SPTB: variants seen among roughly 807,000 people sequenced by gnomAD.
SPTB encodes spectrin beta chain, erythrocytic.
In SPTB, 45 loss-of-function variants were observed where a neutral mutation model predicts 256.2. The observed-to-expected ratio is 0.18, with a 90% CI of 0.14 to 0.23. SPTB has a LOEUF of 0.23. Ranked by LOEUF, SPTB falls within the 10% of genes least tolerant of loss-of-function variation. The pLI is 1.00. For missense variants in SPTB, 2,715 were observed against 3,040.4 expected (o/e 0.89, Z 2.52); for synonymous variants, 1,231 against 1,243.1 (o/e 0.99, Z 0.21).
At chr14:64,859,519 C>A (rs1245327889) in intron 1 of SPTB, among the ~76,000 whole-genome samples, 2 of 152,126 alleles carry the variant, frequency 1.3e-5, no homozygotes, top group Non-Finnish European at 2.9e-5. Flanking sequence ...CTGAGGCAGG[C>A]AGATTGCTTG....
chr14:64,809,840 C>T (rs2083054418), intron 2 of SPTB, among the ~76,000 whole-genome samples: 1 of 152,126 alleles, frequency 6.6e-6, no homozygotes, highest in Non-Finnish European at 1.5e-5. Context: ...CCTTAAAAGG[C>T]TCCTGAGGCA....
In SPTB at chr14:64,807,300, AC is replaced by A. The variant is rs2083003291; in HGVS notation, c.149-2211del. Among the ~76,000 whole-genome samples the A allele has an allele frequency of 6.6e-6, 1 of 152,202 alleles. No homozygotes were observed. The highest frequency in any genetic ancestry group is 6.5e-5 in the Admixed American group (1 of 15,270). On this transcript the variant is annotated intron_variant, in intron 2 of 35. Transcript: ENST00000644917. The surrounding 1 kb of genome is among the most constrained non-coding windows in gnomAD (Gnocchi z 4.7). ...ACATTTCATTACGTGGGTGCTGAGA[AC>A]TATTTATCTGTGCTTGGCAAAGGGT...
chr14:64,781,056 CAT>C (rs2082460783), intron 20 of SPTB, among the ~76,000 whole-genome samples: 2 of 151,188 alleles, frequency 1.3e-5, no homozygotes, highest in African/African-American at 4.8e-5. Context: ...TTTCATTAGA[CAT>C]ATAAAAAAAT....
At chr14:64,838,699 C>T (rs2083561370) in intron 1 of SPTB, among the ~76,000 whole-genome samples, 1 of 152,024 alleles carries the variant, frequency 6.6e-6, no homozygotes, top group East Asian at 1.9e-4. Flanking sequence ...CACTCTATAC[C>T]TATCAGAACG....
intron 9 of SPTB, among the ~76,000 whole-genome samples, chr14:64,798,836 T>A (rs148035412): frequency 6.6e-6 from 1 of 152,234 alleles, no homozygotes; most frequent in East Asian, 1.9e-4. Flanking sequence ...GTGTGGGAGA[T>A]GGGGGGAAGA....
chr14:64,773,076 C>T (rs952139598), intron 25 of SPTB, 122 bp from the exon 26 acceptor site: 4 of 1,555,246 alleles, frequency 2.6e-6, no homozygotes, highest in East Asian at 2.3e-5. Flanking sequence ...GTCACACCTT[C>T]CCCAGGGCAG....
Position 64,749,143 on chromosome 14 carries a change from C to G in SPTB, c.*163G>C, listed in dbSNP as rs773243167. The G allele has an allele frequency of 6.5e-6, 5 of 769,448 alleles. No individual in the cohort carries two copies. Among genetic ancestry groups the G allele is most frequent in the Non-Finnish European group, 1.0e-5 (5 of 501,600 alleles). The allele number at this position is 769,448 out of a possible 1,614,324, so 47.7% of individuals were successfully genotyped here. Reference sequence around the variant, plus strand: ...ATGGAGGGGGCGTCGGCCCAGGACACGCGGGCGAAGGCAGCTTTTGCAGTG... The same window carrying G: ...ATGGAGGGGGCGTCGGCCCAGGACAGGCGGGCGAAGGCAGCTTTTGCAGTG... On this transcript the variant is annotated 3_prime_UTR_variant, in exon 36 of 36. Coordinates refer to ENST00000644917, the MANE Select transcript of SPTB (RefSeq NM_001355436.2). This position sits in a 1 kb window ranked among gnomAD's most constrained non-coding sequence, Gnocchi z 4.7.
In SPTB at chr14:64,805,132, C is replaced by A. The variant is rs1457409613; in HGVS notation, c.149-42G>T. 3.1e-6 allele frequency: 5 copies of A among 1,613,488 alleles called. No individual in the cohort carries two copies. The African/African-American group carries it at 6.7e-5, about 22-fold the overall frequency. On this transcript the variant is annotated intron_variant, in intron 2 of 35. Transcript: ENST00000644917. ...ACCTTGGTGAGGTGCCTGAGGTTGG[C>A]AGGGTCAGTGTGACATGGGGCCAAG...
intron 30 of SPTB, 146 bp downstream of exon 30, chr14:64,767,517 C>T: frequency 4.4e-6 from 6 of 1,355,900 alleles, no homozygotes; most frequent in East Asian, 4.6e-5. Context: ...TACTTCCTGC[C>T]ACTTGTCTTT....
chr14:64,774,399 C>G lies in SPTB; in HGVS notation c.4971G>C (p.Glu1657Asp). ...AQGLLSAGHP[E>D]GEQIIRLQGQ... ...GTCACCACAGGGGGCGCACGCACCC[C>G]TCAGGGTGGCCTGCAGACAGCAGGC... The change falls in exon 24 of 36, where the codon GAG becomes GAC. Residue 1657 changes from glutamate (E) to aspartate (D), a missense_variant and splice_region_variant. By Grantham distance (45) the Glu-to-Asp change is conservative. Coordinates refer to ENST00000644917, the MANE Select transcript of SPTB (RefSeq NM_001355436.2). The G allele has an allele frequency of 1.3e-6, 2 of 1,587,532 alleles. No homozygotes were observed. Among genetic ancestry groups the G allele is most frequent in the Non-Finnish European group, 1.7e-6 (2 of 1,167,846 alleles).
chr14:64,751,927 C>CAAAAAAAAAAAAAAAAAAAAAAAAAAAA (rs374561563), intron 33 of SPTB, among the ~76,000 whole-genome samples: 10 of 71,932 alleles, frequency 1.4e-4, no homozygotes, highest in South Asian at 4.7e-4. Flanking sequence ...ACTAAAAATG[C>CAAAAAAAAAAAAAAAAAAAAAAAAAAAA]AAAAAAAAAA....
chr14:64,803,874 C>T (rs766012315), intron 3 of SPTB, 94 bp from the exon 4 acceptor site: 15 of 1,354,700 alleles, frequency 1.1e-5, no homozygotes, highest in Non-Finnish European at 1.5e-5. Context: ...AAGCACCCAC[C>T]CTCCACCCTC....
chr14:64,841,155 G>A lies in SPTB; in HGVS notation c.-51-18010C>T, dbSNP rs769418622. ...TACATTGACTCCTCAGAACAACGCT[G>A]AGTACAAGCCACTCTCCTTATCCCC... On this transcript the variant is annotated intron_variant, in intron 1 of 35. Transcript: ENST00000644917. This position sits in a 1 kb window ranked among gnomAD's most constrained non-coding sequence, Gnocchi z 4.6. 1.3e-5 allele frequency among the ~76,000 whole-genome samples: 2 copies of A among 152,214 alleles called. No individual in the cohort carries two copies. Among genetic ancestry groups the A allele is most frequent in the Non-Finnish European group, 2.9e-5 (2 of 68,044 alleles).
At chr14:64,863,488 G>A (rs1881978019) in intron 1 of SPTB, among the ~76,000 whole-genome samples, 1 of 152,156 alleles carries the variant, frequency 6.6e-6, no homozygotes, top group African/African-American at 2.4e-5. Context: ...TCCACTTTGT[G>A]TCATGCTACA....
chr14:64,755,873 G>A (rs1351533721), intron 32 of SPTB: 1 of 152,160 alleles, frequency 6.6e-6, no homozygotes, highest in Non-Finnish European at 1.5e-5. Flanking sequence ...ATATGCACGT[G>A]CAATAAATAC....
rs1271344457 is a variant in SPTB at position 64,748,546 on chromosome 14, G to A, written c.*760C>T. The A allele has an allele frequency of 1.3e-5, 2 of 152,366 alleles. No individual in the cohort carries two copies. Among genetic ancestry groups the A allele is most frequent in the Non-Finnish European group, 1.5e-5 (1 of 68,152 alleles). The allele number at this position is 152,366 out of a possible 1,614,324, so 9.4% of individuals were successfully genotyped here. ...GCCCTTCCTGGGACCGCCTGTGGTG[G>A]CACAAAGGGTGCTAGAGGCACTCAG... On this transcript the variant is annotated 3_prime_UTR_variant, in exon 36 of 36. Transcript: ENST00000644917.
intron 2 of SPTB, among the ~76,000 whole-genome samples, chr14:64,809,318 C>T (rs2083045149): frequency 6.9e-6 from 1 of 145,828 alleles, no homozygotes; most frequent in Non-Finnish European, 1.5e-5. Flanking sequence ...GGAATAGCTA[C>T]AGGTTAGAGA....
rs975597244 is a variant in SPTB at position 64,782,310 on chromosome 14, G to A, written c.4246C>T (p.Arg1416Trp). Residue 1416 changes from arginine (R) to tryptophan (W), a missense_variant, in exon 20 of 36, where the codon CGG becomes TGG. Arg to Trp is a moderately radical substitution (Grantham distance 101). Coordinates refer to ENST00000644917, the MANE Select transcript of SPTB (RefSeq NM_001355436.2). ...CGTGCCTTCAGCTTAGCCAACATCC[G>A]ATTGACACTGGTCAGGTCCTTGCCC... ...DPGKDLTSVNRMLAKLKRVED... is the reference protein window; with the variant it reads ...DPGKDLTSVNWMLAKLKRVED... 13 of 1,614,050 alleles carry A rather than the reference G, an allele frequency of 8.1e-6. No individual in the cohort carries two copies. Among genetic ancestry groups the A allele is most frequent in the Admixed American group, 1.7e-5 (1 of 60,002 alleles).
intron 1 of SPTB, among the ~76,000 whole-genome samples, chr14:64,864,802 G>T (rs1882064101): frequency 6.6e-6 from 1 of 151,980 alleles, no homozygotes; most frequent in African/African-American, 2.4e-5. Context: ...TCTAAAAACT[G>T]GTTTTTAAAA....
Sources: allele counts gnomAD v4.1 joint callset (sites outside exome capture counted in the v4.1 genomes callset), GRCh38; gene constraint gnomAD v4.1.1; non-coding constraint Gnocchi (gnomAD v3.1); transcripts MANE v1.5; gene names NCBI Gene and HGNC (gene_info 2026-07-23, HGNC 2026-07-21).